Variants in C1QTNF7 observed in about 807,000 individuals in gnomAD.
The protein encoded by C1QTNF7 is complement C1q tumor necrosis factor-related protein 7.
C1QTNF7 carries 15 observed loss-of-function variants against 19.6 expected under a neutral mutation model. The observed-to-expected ratio is 0.76, with a 90% CI of 0.51 to 1.18. The LOEUF (loss-of-function observed/expected upper bound fraction) is 1.18, where lower values mean the gene tolerates loss of function less well. Ranked by LOEUF, C1QTNF7 falls within the 50% of genes most tolerant of loss-of-function variation. C1QTNF7 has a pLI of 0.00. For missense variants in C1QTNF7, 324 were observed against 359.7 expected (o/e 0.90, Z 0.80); for synonymous variants, 142 against 137.5 (o/e 1.03, Z -0.23).
At chr4:15,413,200 A>G (rs946845114) in intron 1 of C1QTNF7, among the ~76,000 whole-genome samples, 1 of 152,186 alleles carries the variant, frequency 6.6e-6, no homozygotes, top group Non-Finnish European at 1.5e-5. Flanking sequence ...CTCCATAGCC[A>G]TCCTCTGTGT....
At position 15,382,243 on chromosome 4, in the gene C1QTNF7, T is replaced by A. The variant is rs550932020; in HGVS notation, c.13+42036T>A. Among the ~76,000 whole-genome samples the A allele has an allele frequency of 2.6e-5, 4 of 152,294 alleles. No individual in the cohort carries two copies. The East Asian group carries it at 5.8e-4, about 22-fold the overall frequency. ...TCTTTCCATTTTAATTATCTCCCCA[T>A]GTCACTGTGACCTTTCCAGTCAAAG... On this transcript the variant is annotated intron_variant, in intron 1 of 2. Transcript: ENST00000295297.
rs36042951 is a variant in C1QTNF7 at position 15,374,869 on chromosome 4, C to CTT, written c.13+34663_13+34664insTT. 4.9e-3 allele frequency: 2,506 copies of CTT among 508,314 alleles called. 4 individuals carry two copies. The highest frequency in any genetic ancestry group is 5.7e-3 in the East Asian group (36 of 6,262). The allele number at this position is 508,314 out of a possible 1,614,324, so 31.5% of individuals were successfully genotyped here. A position where few individuals can be genotyped will look rare whatever the true frequency, so the allele number is the denominator to read the frequency against. On this transcript the variant is annotated intron_variant, in intron 1 of 2. Transcript: ENST00000295297. ...TGTTGGTGTTTCTCTCTCTCTCTCT[C>CTT]TCTTTTTTTTTATGATGTTCAGGGG...
intron 1 of C1QTNF7, among the ~76,000 whole-genome samples, chr4:15,356,752 C>T (rs1717158180): frequency 6.6e-6 from 1 of 152,186 alleles, no homozygotes; most frequent in East Asian, 1.9e-4. Context: ...ACAGCCTCTC[C>T]AGCATCTGTT....
chr4:15,382,636 G>T (rs1006480654), intron 1 of C1QTNF7, among the ~76,000 whole-genome samples: 2 of 152,020 alleles, frequency 1.3e-5, no homozygotes, highest in African/African-American at 2.4e-5. Context: ...GGCCTATTTT[G>T]GTATTTCCTA....
intron 1 of C1QTNF7, among the ~76,000 whole-genome samples, chr4:15,390,546 A>T (rs1353937404): frequency 6.6e-6 from 1 of 152,224 alleles, no homozygotes; most frequent in East Asian, 1.9e-4. Context: ...GAAAAGCGAG[A>T]TGGTCCACCT....
At chr4:15,350,230 G>GAAAT (rs1716872316) in intron 1 of C1QTNF7, among the ~76,000 whole-genome samples, 1 of 134,202 alleles carries the variant, frequency 7.5e-6, no homozygotes, top group African/African-American at 2.8e-5. Context: ...AAGGAAGGAG[G>GAAAT]AAAGAAGGGA....
In C1QTNF7 at chr4:15,414,723, C is replaced by T. The variant is rs145903111; in HGVS notation, c.14-21013C>T. On this transcript the variant is annotated intron_variant, in intron 1 of 2. Coordinates refer to the C1QTNF7 transcript ENST00000295297. Reference sequence around the variant, plus strand: ...ACAGCCCTCAAAACTCTCAGTAGAACCTTCCAGCAAGAATCCTTTGGCAAA... The same window carrying T: ...ACAGCCCTCAAAACTCTCAGTAGAATCTTCCAGCAAGAATCCTTTGGCAAA... 4.5e-3 allele frequency among the ~76,000 whole-genome samples: 691 copies of T among 152,224 alleles called. 2 individuals are homozygous for T. The highest frequency in any genetic ancestry group is 7.2e-3 in the Non-Finnish European group (489 of 68,006).
chr4:15,403,320 G>C (rs983789241), intron 1 of C1QTNF7, among the ~76,000 whole-genome samples: 1 of 152,104 alleles, frequency 6.6e-6, no homozygotes, highest in Middle Eastern at 3.2e-3. Context: ...AGTTTCCCAG[G>C]ACTGCTTTAG....
intron 1 of C1QTNF7, among the ~76,000 whole-genome samples, chr4:15,368,030 T>C (rs1225161534): frequency 1.3e-5 from 2 of 152,182 alleles, no homozygotes; most frequent in Non-Finnish European, 2.9e-5. Context: ...CCCTGAAAGT[T>C]TCTTTCTGTC....
At chr4:15,440,933 G>C (rs912465830) in intron 2 of C1QTNF7, among the ~76,000 whole-genome samples, 1 of 152,098 alleles carries the variant, frequency 6.6e-6, no homozygotes, top group African/African-American at 2.4e-5. Flanking sequence ...CTGAGGTCAG[G>C]AGTTCGAGAC....
intron 1 of C1QTNF7, among the ~76,000 whole-genome samples, chr4:15,353,111 T>C (rs1716991262): frequency 6.6e-6 from 1 of 152,172 alleles, no homozygotes; most frequent in Non-Finnish European, 1.5e-5. Flanking sequence ...GAATTAGTTA[T>C]CCTTTGTACT....
chr4:15,425,255 G>T (rs906933915), upstream of C1QTNF7, among the ~76,000 whole-genome samples: 1 of 152,124 alleles, frequency 6.6e-6, no homozygotes, highest in Non-Finnish European at 1.5e-5. Flanking sequence ...CTACTGATAT[G>T]CTCATTCAGT....
rs973103999 is a variant in C1QTNF7 at position 15,363,618 on chromosome 4, C to A, written c.13+23411C>A. On this transcript the variant is annotated intron_variant, in intron 1 of 2. Coordinates refer to the C1QTNF7 transcript ENST00000295297. ...CTCGGTGGGTCACAGCCTTCACTAG[C>A]CACAAAGGCTCCCAGGAAGGTGGGC... Among the ~76,000 whole-genome samples the A allele has an allele frequency of 2.0e-5, 3 of 152,144 alleles. No individual in the cohort carries two copies. The South Asian group carries it at 6.2e-4, about 32-fold the overall frequency.
intron 1 of C1QTNF7, among the ~76,000 whole-genome samples, chr4:15,432,081 G>A (rs148592580): frequency 3.1e-4 from 47 of 152,298 alleles, no homozygotes; most frequent in Admixed American, 2.0e-3. Flanking sequence ...GAAGAGACAC[G>A]TGAGACCCTA....
intron 1 of C1QTNF7, among the ~76,000 whole-genome samples, chr4:15,347,847 A>C (rs1716771388): frequency 6.6e-6 from 1 of 152,180 alleles, no homozygotes; most frequent in East Asian, 1.9e-4. Flanking sequence ...AAAAAGACCA[A>C]GTAAAACATT....
intron 1 of C1QTNF7, among the ~76,000 whole-genome samples, chr4:15,376,943 C>T (rs1039274205): frequency 2.6e-5 from 4 of 152,182 alleles, no homozygotes; most frequent in African/African-American, 9.7e-5. Context: ...TTTTTTCTTT[C>T]TCTTGCCAAT....
At chr4:15,396,109 G>A (rs1052364214) in intron 1 of C1QTNF7, among the ~76,000 whole-genome samples, 2 of 152,156 alleles carry the variant, frequency 1.3e-5, no homozygotes, top group African/African-American at 4.8e-5. Flanking sequence ...ATGTGGCTGA[G>A]ACCTTCACAA....
intron 1 of C1QTNF7, among the ~76,000 whole-genome samples, chr4:15,428,936 A>T (rs766161736): frequency 6.6e-6 from 1 of 152,226 alleles, no homozygotes; most frequent in Non-Finnish European, 1.5e-5. Context: ...GCCCTTTGTC[A>T]TGAAGTAATA....
chr4:15,383,145 G>A (rs189578582), intron 1 of C1QTNF7, among the ~76,000 whole-genome samples: 1 of 152,228 alleles, frequency 6.6e-6, no homozygotes, highest in Non-Finnish European at 1.5e-5. Context: ...ATGTACTCAG[G>A]AACTCCAAGG....
Sources: gnomAD v4.1 joint callset for allele counts (sites outside exome capture counted in the v4.1 genomes callset) on GRCh38, gnomAD v4.1.1 for gene constraint, MANE v1.5 for transcripts, NCBI Gene and HGNC (gene_info 2026-07-23, HGNC 2026-07-21) for gene names.